Variants in KLHL6 observed in about 807,000 individuals in gnomAD.
The protein encoded by KLHL6 is kelch-like protein 6.
A neutral mutation model predicts 58.6 loss-of-function variants in KLHL6; 41 were observed. The ratio of observed to expected loss-of-function variants is 0.70; its 90% CI spans 0.55 to 0.91. The LOEUF (loss-of-function observed/expected upper bound fraction) is 0.91. Ranked by LOEUF, KLHL6 falls within the 40% of genes least tolerant of loss-of-function variation. The pLI is 0.00. For synonymous variants in KLHL6, 338 were observed against 322.7 expected, an observed-to-expected ratio of 1.05 and a Z score of -0.51; for missense variants, 714 against 805.6, an observed-to-expected ratio of 0.89 and a Z score of 1.38.
intron 1 of KLHL6, among the ~76,000 whole-genome samples, chr3:183,550,650 A>G (rs1165278149): frequency 1.3e-5 from 2 of 151,696 alleles, no homozygotes; most frequent in African/African-American, 4.9e-5. Context: ...TACAAAAATT[A>G]GCCGGGCATG....
intron 1 of KLHL6, among the ~76,000 whole-genome samples, chr3:183,542,285 C>T (rs58369408): frequency 0.1 from 15,241 of 152,236 alleles, 1,213 homozygotes; most frequent in African/African-American, 0.22. Flanking sequence ...GACTCTTCCA[C>T]GGCTTCCCAC....
At position 183,499,603 on chromosome 3, in the gene KLHL6, C is replaced by T; in HGVS notation, c.1134G>A (p.Glu378=). 1.3e-6 allele frequency: 2 copies of T among 1,598,068 alleles called. No individual in the cohort carries two copies. Among genetic ancestry groups the T allele is most frequent in the South Asian group, 1.1e-5 (1 of 87,934 alleles). The change falls in exon 4 of 7, where the codon GAG becomes GAA. Residue 378 remains glutamate, a synonymous_variant. Coordinates refer to ENST00000341319, the MANE Select transcript of KLHL6 (RefSeq NM_130446.4). This position sits in a 1 kb window ranked among gnomAD's most constrained non-coding sequence, Gnocchi z 4.6. Reference sequence around the variant, plus strand: ...ACTCCTGCTTACCTGAGATGTAGACCTCATTTTTCAATGTCACGCATGCAA... The same window carrying T: ...ACTCCTGCTTACCTGAGATGTAGACTTCATTTTTCAATGTCACGCATGCAA... ...VEFACVTLKN[E]VYISGGKETQ...
At chr3:183,515,037 C>A (rs1337788323) in intron 2 of KLHL6, among the ~76,000 whole-genome samples, 1 of 152,188 alleles carries the variant, frequency 6.6e-6, no homozygotes, top group Non-Finnish European at 1.5e-5. Flanking sequence ...AGTCTGTGAA[C>A]CCCTACAATA....
chr3:183,515,591 T>C (rs1158306734), intron 2 of KLHL6, among the ~76,000 whole-genome samples: 7 of 151,976 alleles, frequency 4.6e-5, no homozygotes. Context: ...TGTAGAGAAA[T>C]CCTACCTATT....
intron 2 of KLHL6, among the ~76,000 whole-genome samples, chr3:183,514,163 A>C (rs570152377): frequency 6.6e-6 from 1 of 152,376 alleles, no homozygotes; most frequent in South Asian, 2.1e-4. Context: ...TGAAGCCGAC[A>C]GACCAGTGGA....
At chr3:183,507,861 ACTGT>A (rs1381572605) in intron 3 of KLHL6, among the ~76,000 whole-genome samples, 194 bp downstream of exon 3, 3 of 152,238 alleles carry the variant, frequency 2.0e-5, no homozygotes, top group Non-Finnish European at 2.9e-5. Flanking sequence ...GCGCTCAGTA[ACTGT>A]CTGAACACGT....
intron 2 of KLHL6, among the ~76,000 whole-genome samples, chr3:183,512,496 A>T (rs4065338): frequency 1.2e-3 from 173 of 150,170 alleles, no homozygotes; most frequent in African/African-American, 3.2e-3. Context: ...ACATTATGAT[A>T]TTTTTTTTTT....
intron 2 of KLHL6, among the ~76,000 whole-genome samples, chr3:183,516,328 C>T (rs1032633413): frequency 2.0e-5 from 3 of 152,198 alleles, no homozygotes; most frequent in African/African-American, 7.2e-5. Context: ...TTTGCTTCTT[C>T]ACATTCAAGA....
chr3:183,554,210 G>C (rs1181531224), intron 1 of KLHL6, among the ~76,000 whole-genome samples: 1 of 152,094 alleles, frequency 6.6e-6, no homozygotes, highest in African/African-American at 2.4e-5. Flanking sequence ...GTATTCACTG[G>C]GTTCCCAGCG....
At chr3:183,542,376 T>G (rs1025774540) in intron 1 of KLHL6, among the ~76,000 whole-genome samples, 5 of 152,208 alleles carry the variant, frequency 3.3e-5, no homozygotes, top group Non-Finnish European at 5.9e-5. Flanking sequence ...CTCTCAGCCT[T>G]ATTGGCCTGT....
chr3:183,491,681 G>T lies in KLHL6; in HGVS notation c.*246C>A, dbSNP rs1717557367. On this transcript the variant is annotated 3_prime_UTR_variant, in exon 7 of 7. Coordinates refer to ENST00000341319, the MANE Select transcript of KLHL6 (RefSeq NM_130446.4). ...GCACAGAAGCCGGCATAGGGTGGGT[G>T]GGTCCTGAATGCTAAATATTACTCT... is the stretch of plus-strand genomic sequence containing the variant. 2.6e-6 allele frequency: 1 copy of T among 384,870 alleles called. No individual in the cohort carries two copies. Among genetic ancestry groups the T allele is most frequent in the East Asian group, 3.8e-5 (1 of 26,318 alleles). The allele number at this position is 384,870 out of a possible 1,614,324, so 23.8% of individuals were successfully genotyped here. A position where few individuals can be genotyped will look rare whatever the true frequency, so the allele number is the denominator to read the frequency against.
rs1386261772 is a variant in KLHL6 at position 183,555,689 on chromosome 3, C to A, written c.-36G>T. 7 of 1,538,360 alleles carry A rather than the reference C, an allele frequency of 4.6e-6. No homozygotes were observed. The Admixed American group carries it at 1.5e-4, about 33-fold the overall frequency. Reference sequence around the variant, plus strand: ...GGAGCGCCCAAGTGTCAGGCAGGCCCCATTGCAGGAGCTGAGCGGATTTCC... The same window carrying A: ...GGAGCGCCCAAGTGTCAGGCAGGCCACATTGCAGGAGCTGAGCGGATTTCC... On this transcript the variant is annotated 5_prime_UTR_variant, in exon 1 of 7. Transcript: ENST00000341319.
intron 3 of KLHL6, among the ~76,000 whole-genome samples, chr3:183,503,715 G>C (rs1427156136): frequency 6.6e-6 from 1 of 152,184 alleles, no homozygotes; most frequent in Non-Finnish European, 1.5e-5. Context: ...GGAGGCAGAG[G>C]TTGCAGTGAG....
intron 1 of KLHL6, among the ~76,000 whole-genome samples, chr3:183,535,916 C>A (rs1712349888): frequency 6.6e-6 from 1 of 152,198 alleles, no homozygotes; most frequent in Non-Finnish European, 1.5e-5. Flanking sequence ...GCTAGGGCTA[C>A]AGGCGCCCGC....
At chr3:183,548,942 CA>C (rs1712815779) in intron 1 of KLHL6, 1 of 151,676 alleles carries the variant, frequency 6.6e-6, no homozygotes. Context: ...GGGAGTTGAA[CA>C]ATGAGAACAC....
At position 183,508,536 on chromosome 3, in the gene KLHL6, G is replaced by A. The variant is rs775985784; in HGVS notation, c.460-28C>T. 4 of 1,595,198 alleles carry A rather than the reference G, an allele frequency of 2.5e-6. No individual in the cohort carries two copies. In the Admixed American group the frequency reaches 5.1e-5, roughly 21 times the overall value. ...GATGAAATAGAAAGGGTGGAAAGGA[G>A]GCCAGAAAATGGTGAGTCCACAAGG... On this transcript the variant is annotated intron_variant, in intron 2 of 6. Transcript: ENST00000341319.
Position 183,527,940 on chromosome 3 carries a change from T to C in KLHL6, c.364A>G (p.Thr122Ala). The change falls in exon 2 of 7, where the codon ACC (threonine) becomes GCC (alanine). Residue 122 changes from threonine (T) to alanine (A), a missense_variant. Transcript: ENST00000341319. ...RIIIKGVDAETMHTLLDYTYT... is the reference protein window; with the variant it reads ...RIIIKGVDAEAMHTLLDYTYT... ...GTGTAGTCCAACAGAGTGTGCATGG[T>C]CTCAGCATCAACCCCTTTAATAATG... The C allele has an allele frequency of 1.2e-6, 2 of 1,613,964 alleles. No homozygotes were observed. Among genetic ancestry groups the C allele is most frequent in the East Asian group, 2.2e-5 (1 of 44,876 alleles).
intron 3 of KLHL6, among the ~76,000 whole-genome samples, chr3:183,507,478 C>G (rs1718041180): frequency 6.6e-6 from 1 of 152,150 alleles, no homozygotes. Flanking sequence ...GTTGCCCAGG[C>G]TGGAGTGCAG....
intron 2 of KLHL6, among the ~76,000 whole-genome samples, chr3:183,527,570 G>C (rs965247479): frequency 6.6e-6 from 1 of 152,104 alleles, no homozygotes; most frequent in African/African-American, 2.4e-5. Flanking sequence ...CCATGCCTAG[G>C]TTCTAGGCAC....
Sources: gnomAD v4.1 joint callset for allele counts (sites outside exome capture counted in the v4.1 genomes callset) on GRCh38, gnomAD v4.1.1 for gene constraint, Gnocchi (gnomAD v3.1) non-coding constraint, MANE v1.5 for transcripts, NCBI Gene and HGNC (gene_info 2026-07-23, HGNC 2026-07-21) for gene names.